Variants in FBF1 observed in about 807,000 individuals in gnomAD.
FBF1 encodes fas-binding factor 1.
FBF1 carries 119 observed loss-of-function variants against 147.2 expected under a neutral mutation model. The observed-to-expected ratio is 0.81, with a 90% CI of 0.70 to 0.94. The LOEUF is 0.94. Among genes scored for constraint, FBF1 ranks in the 40% least tolerant of loss-of-function variants. FBF1 has a pLI of 0.00. For synonymous variants in FBF1, 601 were observed against 609.0 expected, an observed-to-expected ratio of 0.99 and a Z score of 0.19; for missense variants, 1,449 against 1,500.8, an observed-to-expected ratio of 0.97 and a Z score of 0.57.
Position 75,912,187 on chromosome 17 carries a change from C to T in FBF1, c.3363+5G>A, listed in dbSNP as rs1233217121. ...CAAGGATCCCCAAGGCCAGGAGAGA[C>T]TCACCTGCTCTGCCATGTGCCTCAG... On this transcript the variant is annotated splice_donor_5th_base_variant and intron_variant, in intron 29 of 29. Coordinates refer to ENST00000636174, the MANE Select transcript of FBF1 (RefSeq NM_001319193.2). 1 of 1,602,704 alleles carries T rather than the reference C, an allele frequency of 6.2e-7. No individual in the cohort carries two copies. The highest frequency in any genetic ancestry group is 8.5e-7 in the Non-Finnish European group (1 of 1,175,496).
chr17:75,932,960 T>A, intron 5 of FBF1, 35 bp downstream of exon 5: 1 of 1,462,856 alleles, frequency 6.8e-7, no homozygotes, highest in Non-Finnish European at 9.5e-7. Context: ...TAGACTGAAG[T>A]AGGTCATGGA....
chr17:75,938,162 G>T lies in FBF1; in HGVS notation c.-13C>A. On this transcript the variant is annotated 5_prime_UTR_variant, in exon 2 of 30. Transcript: ENST00000636174. The stretch of plus-strand genomic sequence containing the variant: ...CTCTGCCTACCATCTCACGGCTCTC[G>T]GGGGTGCTCTCAGCTCCTTCACAGC... 1 of 1,613,364 alleles carries T rather than the reference G, an allele frequency of 6.2e-7. No individual in the cohort carries two copies. The highest frequency in any genetic ancestry group is 8.5e-7 in the Non-Finnish European group (1 of 1,179,762).
intron 3 of FBF1, among the ~76,000 whole-genome samples, chr17:75,935,900 G>C (rs1295020625): frequency 2.0e-5 from 3 of 152,208 alleles, no homozygotes; most frequent in African/African-American, 7.2e-5. Flanking sequence ...CTCAGGCTGG[G>C]CGCAGTGGCT....
At position 75,910,217 on chromosome 17, in the gene FBF1, TG is replaced by T; in HGVS notation, c.*505del. 1 of 372,416 alleles carries T rather than the reference TG, an allele frequency of 2.7e-6. No individual in the cohort carries two copies. Among genetic ancestry groups the T allele is most frequent in the Admixed American group, 3.7e-5 (1 of 27,294 alleles). The allele number at this position is 372,416 out of a possible 1,614,324, so 23.1% of individuals were successfully genotyped here. On this transcript the variant is annotated 3_prime_UTR_variant, in exon 30 of 30. Coordinates refer to ENST00000636174, the MANE Select transcript of FBF1 (RefSeq NM_001319193.2). The surrounding 1 kb of genome is among the most constrained non-coding windows in gnomAD (Gnocchi z 4.1). ...CTCACACCACAAGGGAGGATCTAGC[TG>T]GTGCCCTCCCTGTACTGTCAGGAGG...
Position 75,910,597 on chromosome 17 carries a change from A to T in FBF1, c.*126T>A. 1 of 795,398 alleles carries T rather than the reference A, an allele frequency of 1.3e-6. No homozygotes were observed. The highest frequency in any genetic ancestry group is 2.0e-6 in the Non-Finnish European group (1 of 492,998). The allele number at this position is 795,398 out of a possible 1,614,324, so 49.3% of individuals were successfully genotyped here. On this transcript the variant is annotated 3_prime_UTR_variant, in exon 30 of 30. Transcript: ENST00000636174. The surrounding 1 kb of genome is among the most constrained non-coding windows in gnomAD (Gnocchi z 4.1). ...GGATGCACTTGCACCCTGTCCACGG[A>T]AGAGCTGTCATCAGGCCTCAAGCAT...
chr17:75,938,537 C>A (rs1373941133), intron 1 of FBF1, among the ~76,000 whole-genome samples: 1 of 113,376 alleles, frequency 8.8e-6, no homozygotes, highest in African/African-American at 3.7e-5. Context: ...ACCTAGGCAA[C>A]AGAGTGAGAC....
chr17:75,932,409 TAAAC>T (rs956821740), intron 5 of FBF1, among the ~76,000 whole-genome samples: 4 of 151,570 alleles, frequency 2.6e-5, no homozygotes, highest in African/African-American at 7.3e-5. Flanking sequence ...AATAAATAAA[TAAAC>T]AAAACCAGGA....
At chr17:75,937,265 T>A (rs943743862) in intron 3 of FBF1, among the ~76,000 whole-genome samples, 11 of 151,748 alleles carry the variant, frequency 7.2e-5, no homozygotes, top group Non-Finnish European at 1.6e-4. Flanking sequence ...CCGCCTCCTG[T>A]GTTCACACCA....
intron 6 of FBF1, 137 bp from the exon 7 acceptor site, chr17:75,930,184 A>G: frequency 1.5e-6 from 1 of 664,298 alleles, no homozygotes; most frequent in East Asian, 2.7e-5. Context: ...TGGAGCTTAC[A>G]CAGGAGGGTG....
At position 75,933,001 on chromosome 17, in the gene FBF1, C is replaced by A; in HGVS notation, c.161G>T (p.Arg54Ile). The change falls in exon 5 of 30, where the codon AGA becomes ATA. Residue 54 changes from arginine to isoleucine, a missense_variant. By Grantham distance (97) the Arg-to-Ile change is moderately conservative. Transcript: ENST00000636174. ...VSQMFPSSKARTKSLLGDDVF... is the reference protein window; with the variant it reads ...VSQMFPSSKAITKSLLGDDVF... ...AGTCGGACCCTGCCCTTACTTTGTTCTCGCCTTTGAAGAAGGGAACATCTG... is the reference window on the plus strand; with the variant it reads ...AGTCGGACCCTGCCCTTACTTTGTTATCGCCTTTGAAGAAGGGAACATCTG... 1 of 1,597,546 alleles carries A rather than the reference C, an allele frequency of 6.3e-7. No individual in the cohort carries two copies. Among genetic ancestry groups the A allele is most frequent in the South Asian group, 1.1e-5 (1 of 89,946 alleles).
chr17:75,910,167 G>C lies in FBF1; in HGVS notation c.*556C>G, dbSNP rs140095446. ...GCTCTGGGCAAGCCCAGGAGGAGGA[G>C]GGCCTGGCTGAGTTCCAGGAACATC... On this transcript the variant is annotated 3_prime_UTR_variant, in exon 30 of 30. Coordinates refer to ENST00000636174, the MANE Select transcript of FBF1 (RefSeq NM_001319193.2). This position sits in a 1 kb window ranked among gnomAD's most constrained non-coding sequence, Gnocchi z 4.1. 97 of 407,086 alleles carry C rather than the reference G, an allele frequency of 2.4e-4. No homozygotes were observed. The highest frequency in any genetic ancestry group is 3.7e-4 in the Non-Finnish European group (77 of 210,094). 25.2% of individuals were successfully genotyped at this position (407,086 alleles called of 1,614,324 possible).
chr17:75,915,782 G>C (rs1369038905), intron 23 of FBF1, among the ~76,000 whole-genome samples: 1 of 152,086 alleles, frequency 6.6e-6, no homozygotes, highest in Non-Finnish European at 1.5e-5. Flanking sequence ...GCTGAGACGG[G>C]TGGATCACCT....
chr17:75,928,281 A>G lies in FBF1; in HGVS notation c.280-88T>C. 2 of 999,150 alleles carry G rather than the reference A, an allele frequency of 2.0e-6. No homozygotes were observed. Among genetic ancestry groups the G allele is most frequent in the African/African-American group, 3.2e-5 (2 of 62,148 alleles). 61.9% of individuals were successfully genotyped at this position (999,150 alleles called of 1,614,324 possible). On this transcript the variant is annotated intron_variant, in intron 7 of 29. Coordinates refer to ENST00000636174, the MANE Select transcript of FBF1 (RefSeq NM_001319193.2). This position sits in a 1 kb window ranked among gnomAD's most constrained non-coding sequence, Gnocchi z 4.2. ...GAGAGAGATGGGCTGTTGGCACCCCAGGTGTAGAATTGTGAGAAAACAAAG... is the reference window on the plus strand; with the variant it reads ...GAGAGAGATGGGCTGTTGGCACCCCGGGTGTAGAATTGTGAGAAAACAAAG...
At chr17:75,921,727 C>T (rs1162760627) in intron 15 of FBF1, among the ~76,000 whole-genome samples, 167 bp from the exon 16 acceptor site, 1 of 25,054 alleles carries the variant, frequency 4.0e-5, no homozygotes, top group Non-Finnish European at 7.7e-5. Flanking sequence ...GACACGGGGA[C>T]GGGGCAGGGT....
chr17:75,934,879 C>CAA (rs1028679601), intron 4 of FBF1, among the ~76,000 whole-genome samples: 15 of 55,568 alleles, frequency 2.7e-4, no homozygotes, highest in African/African-American at 6.5e-4. Context: ...AACTCTGTCT[C>CAA]AAAAAAAAAA....
chr17:75,925,286 G>T lies in FBF1; in HGVS notation c.968+61C>A. ...GGTGGGACAGGGGACAGCTGCAGGGGCCTGTCTTCCCAGTGGCCGACCTGT... is the reference window on the plus strand; with the variant it reads ...GGTGGGACAGGGGACAGCTGCAGGGTCCTGTCTTCCCAGTGGCCGACCTGT... On this transcript the variant is annotated intron_variant, in intron 13 of 29. Transcript: ENST00000636174. This position sits in a 1 kb window ranked among gnomAD's most constrained non-coding sequence, Gnocchi z 5.0. The T allele has an allele frequency of 2.3e-6, 3 of 1,325,150 alleles. No homozygotes were observed. The highest frequency in any genetic ancestry group is 2.0e-5 in the Admixed American group (1 of 50,762). The allele number at this position is 1,325,150 out of a possible 1,614,324, so 82.1% of individuals were successfully genotyped here. A position where few individuals can be genotyped will look rare whatever the true frequency, so the allele number is the denominator to read the frequency against.
rs1275643639 is a variant in FBF1 at position 75,922,608 on chromosome 17, C to T, written c.1425-562G>A. On this transcript the variant is annotated intron_variant, in intron 14 of 29. Transcript: ENST00000636174. This position sits in a 1 kb window ranked among gnomAD's most constrained non-coding sequence, Gnocchi z 5.0. ...AGTTCACTCCCCTGGGCTCTGGCCA[C>T]AGCACATCTCACCACTTCCTCTGGA... Among the ~76,000 whole-genome samples the T allele has an allele frequency of 6.6e-6, 1 of 152,166 alleles. No homozygotes were observed. The highest frequency in any genetic ancestry group is 1.5e-5 in the Non-Finnish European group (1 of 68,030).
In FBF1 at chr17:75,938,159, C is replaced by T; in HGVS notation, c.-10G>A. 6.2e-7 allele frequency: 1 copy of T among 1,613,650 alleles called. No individual in the cohort carries two copies. Among genetic ancestry groups the T allele is most frequent in the Non-Finnish European group, 8.5e-7 (1 of 1,179,830 alleles). The stretch of plus-strand genomic sequence containing the variant: ...GAACTCTGCCTACCATCTCACGGCT[C>T]TCGGGGGTGCTCTCAGCTCCTTCAC... On this transcript the variant is annotated 5_prime_UTR_variant, in exon 2 of 30. Transcript: ENST00000636174.
intron 23 of FBF1, 35 bp from the exon 24 acceptor site, chr17:75,915,174 C>A: frequency 6.3e-7 from 1 of 1,590,888 alleles, no homozygotes; most frequent in Non-Finnish European, 8.5e-7. Context: ...GAGCGTGGTT[C>A]CCGCCCTGAG....
Sources: gnomAD v4.1 joint callset for allele counts (sites outside exome capture counted in the v4.1 genomes callset) on GRCh38, gnomAD v4.1.1 for gene constraint, Gnocchi (gnomAD v3.1) non-coding constraint, MANE v1.5 for transcripts, NCBI Gene and HGNC (gene_info 2026-07-23, HGNC 2026-07-21) for gene names.